The following PHC3 variants were observed in gnomAD, a reference collection of about 807,000 sequenced individuals.
The protein encoded by PHC3 is polyhomeotic homolog 3.
PHC3 carries 13 observed loss-of-function variants against 107.4 expected under a neutral mutation model. The observed-to-expected ratio is 0.12, with a 90% CI of 0.08 to 0.19. The LOEUF is 0.19. PHC3 is among the 10% of genes least tolerant of loss of function. The pLI is 1.00. For synonymous variants in PHC3, 456 were observed against 427.4 expected (o/e 1.07, Z -0.83); for missense variants, 992 against 1,210.9 (o/e 0.82, Z 2.68).
At position 170,111,297 on chromosome 3, in the gene PHC3, GGAAGGAAGGAAGGAAGGAAGGAACGAAC is replaced by G. The variant is rs1325685454; in HGVS notation, c.2353+2035_2353+2062del. ...AGGAAGGAAGGAAGGAAGGAAGGAA[GGAAGGAAGGAAGGAAGGAAGGAACGAAC>G]GAACGAAAGAACAAAAGAACGGAAA... On this transcript the variant is annotated intron_variant, in intron 11 of 14. Transcript: ENST00000495893. 2.6e-3 allele frequency among the ~76,000 whole-genome samples: 364 copies of G among 139,134 alleles called. 3 individuals are homozygous for G. Among genetic ancestry groups the G allele is most frequent in the African/African-American group, 9.4e-3 (350 of 37,118 alleles). 91.3% of individuals were successfully genotyped at this position (139,134 alleles called of 152,430 possible).
intron 4 of PHC3, among the ~76,000 whole-genome samples, chr3:170,158,650 G>C (rs1408973195): frequency 1.3e-5 from 2 of 151,756 alleles, no homozygotes; most frequent in Non-Finnish European, 2.9e-5. Context: ...TGATAGGCCA[G>C]GCACAGTGGC....
intron 4 of PHC3, among the ~76,000 whole-genome samples, chr3:170,157,717 A>C (rs1381026590): frequency 6.6e-6 from 1 of 152,158 alleles, no homozygotes; most frequent in Non-Finnish European, 1.5e-5. Context: ...TATAGTATAA[A>C]TATATCAAAT....
chr3:170,165,998 G>C (rs1380455406), intron 4 of PHC3, among the ~76,000 whole-genome samples: 3 of 145,922 alleles, frequency 2.1e-5, no homozygotes, highest in African/African-American at 5.0e-5. Flanking sequence ...AAAAAAAAAG[G>C]CTCCCCAAAG....
intron 4 of PHC3, among the ~76,000 whole-genome samples, chr3:170,160,427 G>C (rs899510242): frequency 6.6e-6 from 1 of 152,208 alleles, no homozygotes; most frequent in Admixed American, 6.5e-5. Flanking sequence ...CCTGAGGGAA[G>C]AAACTTTGAC....
rs577234256 is a variant in PHC3, at chr3:170,140,959, C to A, written c.673-4294G>T. Among the ~76,000 whole-genome samples, 33 of 152,078 alleles carry A rather than the reference C, an allele frequency of 2.2e-4. 1 individual carries two copies. In the East Asian group the frequency reaches 6.0e-3, roughly 28 times the overall value. ...AAAAATCTTTTTTTATGTGGGTGTGCCTGGTGGGGAGAAGGAATGGAGCAT... is the reference window on the plus strand; with the variant it reads ...AAAAATCTTTTTTTATGTGGGTGTGACTGGTGGGGAGAAGGAATGGAGCAT... On this transcript the variant is annotated intron_variant, in intron 6 of 14. Transcript: ENST00000495893.
intron 9 of PHC3, among the ~76,000 whole-genome samples, chr3:170,118,472 C>T (rs1385475494): frequency 6.6e-6 from 1 of 152,162 alleles, no homozygotes; most frequent in African/African-American, 2.4e-5. Context: ...AGTGCAGTGG[C>T]ACGATCTCGG....
At chr3:170,177,015 C>A (rs532746395) in intron 2 of PHC3, 10 of 340,838 alleles carry the variant, frequency 2.9e-5, no homozygotes, top group African/African-American at 1.5e-4. Flanking sequence ...CCCCAACCTC[C>A]ATTATCATAA....
chr3:170,140,628 C>A, intron 6 of PHC3, among the ~76,000 whole-genome samples: 1 of 109,574 alleles, frequency 9.1e-6, no homozygotes. Flanking sequence ...GAGGCTTGCC[C>A]TGTCACCCAC....
At chr3:170,115,781 C>T (rs1191028874) in intron 10 of PHC3, among the ~76,000 whole-genome samples, 1 of 152,016 alleles carries the variant, frequency 6.6e-6, no homozygotes, top group Non-Finnish European at 1.5e-5. Context: ...GTTTGAATGA[C>T]TTGACAAAGG....
Position 170,097,373 on chromosome 3 carries a change from T to C in PHC3, c.2845A>G (p.Ile949Val), listed in dbSNP as rs1374277695. ...FIHSLPGCQDIADEFRAQEID... is the reference protein window; with the variant it reads ...FIHSLPGCQDVADEFRAQEID... Reference sequence around the variant, plus strand: ...TCCTGTGCTCTGAATTCATCTGCGATATCCTGGCAGCCTGGAATTTGACCA... The same window carrying C: ...TCCTGTGCTCTGAATTCATCTGCGACATCCTGGCAGCCTGGAATTTGACCA... Residue 949 changes from isoleucine to valine, a missense_variant, in exon 15 of 15, where the codon ATC (isoleucine) becomes GTC (valine). Physicochemically the swap from Ile to Val is conservative, Grantham distance 29. This residue lies in a region of PHC3 where 228 missense variants were observed against 288.8 expected (regional missense o/e 0.79). Transcript: ENST00000495893. This position sits in a 1 kb window ranked among gnomAD's most constrained non-coding sequence, Gnocchi z 4.1. 1.2e-6 allele frequency: 2 copies of C among 1,612,622 alleles called. No homozygotes were observed. Among genetic ancestry groups the C allele is most frequent in the East Asian group, 2.2e-5 (1 of 44,864 alleles).
chr3:170,177,256 T>C (rs1352267076), intron 2 of PHC3, among the ~76,000 whole-genome samples: 1 of 152,194 alleles, frequency 6.6e-6, no homozygotes, highest in Non-Finnish European at 1.5e-5. Context: ...ATGTTGGGGC[T>C]CTAGGTTGAA....
intron 11 of PHC3, among the ~76,000 whole-genome samples, chr3:170,110,891 T>C (rs1717514106): frequency 6.6e-6 from 1 of 152,202 alleles, no homozygotes; most frequent in Non-Finnish European, 1.5e-5. Context: ...CTTTCATTTA[T>C]ATACATATTG....
In PHC3 at chr3:170,136,412, A is replaced by G; in HGVS notation, c.919+7T>C. The G allele has an allele frequency of 6.2e-7, 1 of 1,611,588 alleles. No homozygotes were observed. Among genetic ancestry groups the G allele is most frequent in the Non-Finnish European group, 8.5e-7 (1 of 1,179,178 alleles). The stretch of plus-strand genomic sequence containing the variant: ...TACAACTATTTTCAACAAAAGTTTT[A>G]TCCCACCTGGTGCTATTAACTGGTG... On this transcript the variant is annotated splice_region_variant and intron_variant, in intron 7 of 14. Transcript: ENST00000495893.
At chr3:170,168,333 T>C (rs1476563531) in intron 4 of PHC3, among the ~76,000 whole-genome samples, 1 of 152,252 alleles carries the variant, frequency 6.6e-6, no homozygotes, top group African/African-American at 2.4e-5. Flanking sequence ...TGCCGTTTTT[T>C]GGCAGAAGTA....
rs1321430629 is a variant in PHC3 at position 170,126,526 on chromosome 3, ATATT to A, written c.1788+2154_1788+2157del. On this transcript the variant is annotated intron_variant, in intron 8 of 14. Coordinates refer to ENST00000495893, the MANE Select transcript of PHC3 (RefSeq NM_024947.4). The stretch of plus-strand genomic sequence containing the variant: ...TATGTATATATATATATATATATAT[ATATT>A]TTTTTTTTTTTTTCCTTTTTCTTTT... Among the ~76,000 whole-genome samples the A allele has an allele frequency of 5.6e-3, 473 of 84,194 alleles. 2 individuals are homozygous for A. The highest frequency in any genetic ancestry group is 0.02 in the African/African-American group (415 of 21,082). The allele number at this position is 84,194 out of a possible 152,430, so 55.2% of individuals were successfully genotyped here.
Position 170,178,754 on chromosome 3 carries a change from A to G in PHC3, c.180+19T>C. 1 of 1,612,868 alleles carries G rather than the reference A, an allele frequency of 6.2e-7. No homozygotes were observed. Among genetic ancestry groups the G allele is most frequent in the Middle Eastern group, 1.7e-4 (1 of 6,058 alleles). ...TGACATCTTAAGTCTTAGACTACCC[A>G]TCACTACAGCTGAAATACCTGTACA... On this transcript the variant is annotated intron_variant, in intron 2 of 14. Coordinates refer to ENST00000495893, the MANE Select transcript of PHC3 (RefSeq NM_024947.4).
At chr3:170,169,842 C>T (rs909005404) in intron 4 of PHC3, 2 of 152,068 alleles carry the variant, frequency 1.3e-5, no homozygotes, top group African/African-American at 4.8e-5. Context: ...ATATAATTTC[C>T]TTCAGTAGCC....
chr3:170,113,561 A>AAGACATTC (rs749268431), intron 10 of PHC3, 42 bp from the exon 11 acceptor site: 1 of 1,549,624 alleles, frequency 6.5e-7, no homozygotes, highest in South Asian at 1.2e-5. Context: ...AATCTCCAAA[A>AAGACATTC]AGACATTCAG....
chr3:170,090,423 T>C lies in PHC3; in HGVS notation c.*6807A>G, dbSNP rs1377803227. On this transcript the variant is annotated 3_prime_UTR_variant, in exon 15 of 15. Transcript: ENST00000495893. ...CTGCACATGTAAGTGTTCAAATAGT[T>C]TGCTAAATGAATTTAAGTACATGAA... 6.6e-6 allele frequency: 1 copy of C among 152,176 alleles called. No individual in the cohort carries two copies. Among genetic ancestry groups the C allele is most frequent in the Non-Finnish European group, 1.5e-5 (1 of 68,024 alleles). The allele number at this position is 152,176 out of a possible 1,614,324, so 9.4% of individuals were successfully genotyped here.
Sources: allele counts gnomAD v4.1 joint callset (sites outside exome capture counted in the v4.1 genomes callset), GRCh38; gene constraint gnomAD v4.1.1; regional missense constraint gnomAD v4.1.1; non-coding constraint Gnocchi (gnomAD v3.1); transcripts MANE v1.5; gene names NCBI Gene and HGNC (gene_info 2026-07-23, HGNC 2026-07-21).